The following TEX29 variants were observed in gnomAD, a reference collection of about 807,000 sequenced individuals.
TEX29 encodes testis expressed 29.
TEX29 carries 26 observed loss-of-function variants against 18.2 expected under a neutral mutation model. That is an observed-to-expected ratio of 1.43 (90% CI 1.04 to 1.98). TEX29 has a LOEUF of 1.98. Ranked by LOEUF, TEX29 falls within the 30% of genes most tolerant of loss-of-function variation. The pLI, the probability that TEX29 is intolerant of heterozygous loss-of-function variation, is 0.00. For synonymous variants in TEX29, 83 were observed against 78.5 expected, an observed-to-expected ratio of 1.06 and a Z score of -0.31; for missense variants, 177 against 194.2, an observed-to-expected ratio of 0.91 and a Z score of 0.53.
chr13:111,318,042 A>G (rs555968267), upstream of TEX29, among the ~76,000 whole-genome samples: 231 of 152,244 alleles, frequency 1.5e-3, 1 homozygote, highest in African/African-American at 5.4e-3. Context: ...TAGGACTTCA[A>G]CATCTCTTTT....
rs143813497 is a variant in TEX29 at position 111,328,262 on chromosome 13, C to T, written c.138C>T (p.Tyr46=). The part of the protein sequence containing the change: ...DRCQELGCCF[Y]EGVCYKKAVP... ...GCCAGGAGCTCGGGTGCTGCTTCTA[C>T]GAAGGCGTCTGCTACAAGAAAGCGG... is the stretch of plus-strand genomic sequence containing the variant. The change falls in exon 3 of 6, where the codon TAC becomes TAT. Residue 46 remains tyrosine (Y), a synonymous_variant. Transcript: ENST00000283547. 21 of 1,613,830 alleles carry T rather than the reference C, an allele frequency of 1.3e-5. No individual in the cohort carries two copies. Among genetic ancestry groups the T allele is most frequent in the African/African-American group, 2.7e-5 (2 of 75,046 alleles).
At chr13:111,331,115 G>A (rs1034213979) in intron 3 of TEX29, among the ~76,000 whole-genome samples, 14 of 152,124 alleles carry the variant, frequency 9.2e-5, no homozygotes, top group African/African-American at 3.4e-4. Flanking sequence ...AATTTTTAGG[G>A]AACTTCCCAA....
At chr13:111,343,103 G>T (rs181456855) in intron 5 of TEX29, among the ~76,000 whole-genome samples, 172 bp downstream of exon 5, 43 of 152,314 alleles carry the variant, frequency 2.8e-4, no homozygotes, top group East Asian at 2.1e-3. Context: ...GTTCAGGTTT[G>T]CAGGGTGGAT....
In TEX29 at chr13:111,333,299, A is replaced by G. The variant is rs560009675; in HGVS notation, c.169+5006A>G. Among the ~76,000 whole-genome samples, 14 of 152,286 alleles carry G rather than the reference A, an allele frequency of 9.2e-5. No homozygotes were observed. The South Asian group carries it at 2.5e-3, about 27-fold the overall frequency. ...AGTTTTTACCATTATTTCTTCAAAT[A>G]TTCTTTCTGTTATCTTTCTCCTCTC... is the stretch of plus-strand genomic sequence containing the variant. On this transcript the variant is annotated intron_variant, in intron 3 of 5. Coordinates refer to ENST00000283547, the MANE Select transcript of TEX29 (RefSeq NM_152324.3).
Position 111,328,172 on chromosome 13 carries a change from T to C in TEX29, c.59-11T>C. 1 of 1,581,710 alleles carries C rather than the reference T, an allele frequency of 6.3e-7. No homozygotes were observed. Among genetic ancestry groups the C allele is most frequent in the South Asian group, 1.1e-5 (1 of 90,236 alleles). ...CGGGGGTGACACTTGTGTATGTCTG[T>C]GCTTTTGCAGTGTGTGACGTTCCTC... On this transcript the variant is annotated splice_polypyrimidine_tract_variant and intron_variant, in intron 2 of 5. Coordinates refer to ENST00000283547, the MANE Select transcript of TEX29 (RefSeq NM_152324.3).
intron 2 of TEX29, among the ~76,000 whole-genome samples, chr13:111,323,018 C>A (rs188829591): frequency 6.6e-6 from 1 of 152,374 alleles, no homozygotes; most frequent in Admixed American, 6.5e-5. Context: ...TCCTCCTGTC[C>A]TTCTCTGCGC....
At chr13:111,338,979 C>T (rs748940742) in intron 3 of TEX29, among the ~76,000 whole-genome samples, 56 of 152,336 alleles carry the variant, frequency 3.7e-4, no homozygotes, top group Non-Finnish European at 5.6e-4. Flanking sequence ...GGCGGTGCTG[C>T]GCCCCTCAGG....
chr13:111,319,085 C>T (rs1237718731), upstream of TEX29, among the ~76,000 whole-genome samples: 2 of 152,200 alleles, frequency 1.3e-5, no homozygotes, highest in Non-Finnish European at 2.9e-5. Flanking sequence ...GCTTCACCCT[C>T]ACGACCTCCT....
At chr13:111,339,386 G>A (rs1420586739) in intron 3 of TEX29, 5 of 454,574 alleles carry the variant, frequency 1.1e-5, no homozygotes, top group African/African-American at 4.0e-5. Flanking sequence ...ATCTCTCCAC[G>A]CACCCCCAGG....
chr13:111,344,228 AT>A lies in TEX29; in HGVS notation c.*106del. On this transcript the variant is annotated 3_prime_UTR_variant, in exon 6 of 6. Coordinates refer to ENST00000283547, the MANE Select transcript of TEX29 (RefSeq NM_152324.3). ...GGAATGACCACCCAAAGAGAAAAAA[AT>A]AAAGGTATTTTGAAAATTGCTTCTC... is the stretch of plus-strand genomic sequence containing the variant. 1.0e-6 allele frequency: 1 copy of A among 971,100 alleles called. No homozygotes were observed. Among genetic ancestry groups the A allele is most frequent in the South Asian group, 1.5e-5 (1 of 68,438 alleles). The allele number at this position is 971,100 out of a possible 1,614,324, so 60.2% of individuals were successfully genotyped here. A position where few individuals can be genotyped will look rare whatever the true frequency, so the allele number is the denominator to read the frequency against.
Position 111,328,220 on chromosome 13 carries a change from C to T in TEX29, c.96C>T (p.Asn32=), listed in dbSNP as rs149831159. ...CTCTGTATGACATTTGTGACTACAA[C>T]GTCTCCAGGGACCGATGCCAGGAGC... is the stretch of plus-strand genomic sequence containing the variant. ...DVPLYDICDY[N]VSRDRCQELG... Residue 32 remains asparagine, a synonymous_variant, in exon 3 of 6, where the codon AAC becomes AAT. Coordinates refer to ENST00000283547, the MANE Select transcript of TEX29 (RefSeq NM_152324.3). The T allele has an allele frequency of 6.4e-4, 1,037 of 1,613,022 alleles. 5 individuals are homozygous for T. In the African/African-American group the frequency reaches 0.013, roughly 20 times the overall value.
intron 3 of TEX29, among the ~76,000 whole-genome samples, chr13:111,335,923 C>T (rs536904634): frequency 4.6e-5 from 7 of 152,292 alleles, no homozygotes; most frequent in African/African-American, 9.6e-5. Context: ...TTATCTGTAC[C>T]GTGCAGGTGC....
intron 3 of TEX29, among the ~76,000 whole-genome samples, chr13:111,336,233 C>T (rs776429403): frequency 5.3e-5 from 8 of 152,232 alleles, no homozygotes; most frequent in Non-Finnish European, 1.0e-4. Context: ...TGGTTTCTTT[C>T]GGGCCTGTAG....
Position 111,342,857 on chromosome 13 carries a change from T to G in TEX29, c.341T>G (p.Leu114Ter), listed in dbSNP as rs1459416881. The G allele has an allele frequency of 6.2e-7, 1 of 1,614,156 alleles. No homozygotes were observed. The highest frequency in any genetic ancestry group is 2.2e-5 in the East Asian group (1 of 44,866). ...GAGTTGGCCTCATCCAGCAGCAAGTTAGGGCTGAAGCCTGCGAGTCCTGGG... is the reference window on the plus strand; with the variant it reads ...GAGTTGGCCTCATCCAGCAGCAAGTGAGGGCTGAAGCCTGCGAGTCCTGGG... ...KAELASSSSKLGLKPASPGPP... is the reference protein window; with the variant it reads ...KAELASSSSK The change falls in exon 5 of 6, where the codon TTA becomes TGA. Residue 114 changes from leucine (L) to a stop codon, truncating the protein, a stop_gained. Coordinates refer to ENST00000283547, the MANE Select transcript of TEX29 (RefSeq NM_152324.3). LOFTEE classifies it high-confidence loss of function.
At chr13:111,334,881 T>C (rs1003298705) in intron 3 of TEX29, among the ~76,000 whole-genome samples, 3 of 152,214 alleles carry the variant, frequency 2.0e-5, no homozygotes, top group African/African-American at 7.2e-5. Context: ...TTCTGCCCGC[T>C]GCAGTGGCTG....
At chr13:111,328,066 A>G in intron 2 of TEX29, 117 bp from the exon 3 acceptor site, 1 of 639,882 alleles carries the variant, frequency 1.6e-6, no homozygotes, top group Non-Finnish European at 2.8e-6. Flanking sequence ...TGAGAAAATA[A>G]CAAAACCACA....
chr13:111,324,800 C>T (rs2093670132), intron 2 of TEX29, among the ~76,000 whole-genome samples: 1 of 152,234 alleles, frequency 6.6e-6, no homozygotes, highest in Admixed American at 6.5e-5. Context: ...CCATGCCCCT[C>T]CTGAACCTTT....
chr13:111,321,288 AC>A (rs901342606), intron 2 of TEX29, among the ~76,000 whole-genome samples: 2 of 152,190 alleles, frequency 1.3e-5, no homozygotes, highest in East Asian at 1.9e-4. Flanking sequence ...TGCAGGAGTG[AC>A]TTTTTTAATT....
rs1011923507 is a variant in TEX29 at position 111,328,255 on chromosome 13, G to A, written c.131G>A (p.Cys44Tyr). ...GACCGATGCCAGGAGCTCGGGTGCT[G>A]CTTCTACGAAGGCGTCTGCTACAAG... ...SRDRCQELGC[C>Y]FYEGVCYKKA... The change falls in exon 3 of 6, where the codon TGC becomes TAC. Residue 44 changes from cysteine to tyrosine, a missense_variant. Transcript: ENST00000283547. The A allele has an allele frequency of 6.2e-7, 1 of 1,614,014 alleles. No individual in the cohort carries two copies. The highest frequency in any genetic ancestry group is 8.5e-7 in the Non-Finnish European group (1 of 1,180,014).
Sources: allele counts gnomAD v4.1 joint callset (sites outside exome capture counted in the v4.1 genomes callset), GRCh38; gene constraint gnomAD v4.1.1; transcripts MANE v1.5; gene names NCBI Gene and HGNC (gene_info 2026-07-23, HGNC 2026-07-21).